Variants in PSD3 observed in about 807,000 individuals in gnomAD.
PSD3 encodes PH and SEC7 domain-containing protein 3.
In PSD3, 49 loss-of-function variants were observed where a neutral mutation model predicts 105.5. The observed-to-expected ratio is 0.46, with a 90% confidence interval of 0.37 to 0.59. The LOEUF (loss-of-function observed/expected upper bound fraction) is 0.59, where lower values mean the gene tolerates loss of function less well. Ranked by LOEUF, PSD3 falls within the 20% of genes least tolerant of loss-of-function variation. The pLI is 0.00. For missense variants in PSD3, 1,561 were observed against 1,263.8 expected (o/e 1.24, Z -3.57); for synonymous variants, 557 against 457.8 (o/e 1.22, Z -2.77).
intron 1 of PSD3, among the ~76,000 whole-genome samples, chr8:19,019,279 G>A (rs1463270458): frequency 6.6e-6 from 1 of 151,976 alleles, no homozygotes; most frequent in Non-Finnish European, 1.5e-5. Context: ...TATGAGTTTT[G>A]CCATTTCACA....
At chr8:18,975,655 A>C (rs1331878569) in intron 1 of PSD3, among the ~76,000 whole-genome samples, 2 of 152,234 alleles carry the variant, frequency 1.3e-5, no homozygotes, top group Non-Finnish European at 2.9e-5. Context: ...TTGCTCTAAT[A>C]CCATCAGTGT....
At chr8:19,037,692 G>A (rs1347689738) in intron 1 of PSD3, among the ~76,000 whole-genome samples, 1 of 152,108 alleles carries the variant, frequency 6.6e-6, no homozygotes, top group Non-Finnish European at 1.5e-5. Flanking sequence ...CTCTTCTGCT[G>A]CATTTGGACA....
chr8:18,851,491 G>T (rs1328285213), intron 4 of PSD3, among the ~76,000 whole-genome samples: 1 of 152,218 alleles, frequency 6.6e-6, no homozygotes, highest in Admixed American at 6.5e-5. Context: ...TTCCAGAGTG[G>T]ATTCAGACCA....
At chr8:18,537,053 A>C (rs1323493500) in intron 15 of PSD3, among the ~76,000 whole-genome samples, 3 of 152,126 alleles carry the variant, frequency 2.0e-5, no homozygotes, top group Non-Finnish European at 4.4e-5. Flanking sequence ...TTAAGTTAGT[A>C]ATTTAGAAGT....
At chr8:18,834,736 GA>G (rs1046628814) in intron 4 of PSD3, among the ~76,000 whole-genome samples, 1 of 152,030 alleles carries the variant, frequency 6.6e-6, no homozygotes, top group African/African-American at 2.4e-5. Flanking sequence ...AAGACGCCAT[GA>G]AAAAAAGGGA....
chr8:18,805,361 G>T (rs544712801), intron 4 of PSD3, among the ~76,000 whole-genome samples: 1 of 151,984 alleles, frequency 6.6e-6, no homozygotes, highest in African/African-American at 2.4e-5. Flanking sequence ...CAAGACAGTT[G>T]AATTCTAAGA....
intron 1 of PSD3, among the ~76,000 whole-genome samples, chr8:18,970,082 T>C (rs922030540): frequency 4.0e-5 from 6 of 151,550 alleles, no homozygotes; most frequent in Non-Finnish European, 5.9e-5. Context: ...TCCCAGCACT[T>C]TGGGAGGCCA....
chr8:18,662,787 A>AT (rs751626779), intron 9 of PSD3, among the ~76,000 whole-genome samples: 1 of 152,102 alleles, frequency 6.6e-6, no homozygotes, highest in African/African-American at 2.4e-5. Flanking sequence ...CTCACTAAAT[A>AT]TTTTTTGCCA....
intron 8 of PSD3, among the ~76,000 whole-genome samples, chr8:18,796,845 G>A (rs1032045525): frequency 2.6e-5 from 4 of 152,122 alleles, no homozygotes; most frequent in African/African-American, 9.7e-5. Context: ...TTCTGGCATC[G>A]GATCAAGTAA....
chr8:18,934,691 G>C (rs62495887), intron 2 of PSD3, among the ~76,000 whole-genome samples: 24,876 of 152,080 alleles, frequency 0.16, 2,157 homozygotes, highest in African/African-American at 0.2. Context: ...TTACAGATGA[G>C]AAAACTGAGC....
In PSD3 at chr8:18,698,602, GC is replaced by G. The variant is rs535587930; in HGVS notation, c.2173-42918del. 2.2e-4 allele frequency among the ~76,000 whole-genome samples: 33 copies of G among 152,262 alleles called. No homozygotes were observed. In the East Asian group the frequency reaches 6.4e-3, roughly 29 times the overall value. Reference sequence around the variant, plus strand: ...CCCTCGAGCCTCCAGAAGGAATACAGCCCTGCCAACCCATTTTGGACTTCTG... The same window carrying G: ...CCCTCGAGCCTCCAGAAGGAATACAGCCTGCCAACCCATTTTGGACTTCTG... On this transcript the variant is annotated intron_variant, in intron 9 of 15. Coordinates refer to ENST00000327040, the MANE Select transcript of PSD3 (RefSeq NM_015310.4).
At chr8:18,897,232 CTTT>C (rs1187309514) in intron 2 of PSD3, among the ~76,000 whole-genome samples, 4 of 152,118 alleles carry the variant, frequency 2.6e-5, no homozygotes, top group Non-Finnish European at 5.9e-5. Flanking sequence ...TATATGTCTT[CTTT>C]TGAGACGTGA....
chr8:18,827,633 AG>A (rs1211049724), intron 4 of PSD3, among the ~76,000 whole-genome samples: 1 of 152,172 alleles, frequency 6.6e-6, no homozygotes. Context: ...GTTTTTTAAG[AG>A]GGTGAGACTG....
At chr8:18,763,431 A>C (rs73666707) in intron 9 of PSD3, among the ~76,000 whole-genome samples, 3,796 of 152,260 alleles carry the variant, frequency 0.025, 169 homozygotes, top group African/African-American at 0.085. Flanking sequence ...AAAAGTTTCT[A>C]TGTATGTATG....
intron 11 of PSD3, 48 bp downstream of exon 11, chr8:18,632,565 A>C: frequency 6.5e-7 from 1 of 1,544,544 alleles, no homozygotes; most frequent in Non-Finnish European, 8.8e-7. Flanking sequence ...AATTTTGAGC[A>C]TAAAGATAAA....
intron 2 of PSD3, among the ~76,000 whole-genome samples, chr8:18,894,055 C>T (rs1202393367): frequency 6.6e-6 from 1 of 152,188 alleles, no homozygotes; most frequent in African/African-American, 2.4e-5. Flanking sequence ...ATATAAATTG[C>T]TTAAAACAGT....
intron 14 of PSD3, among the ~76,000 whole-genome samples, chr8:18,568,828 G>T (rs1397837846): frequency 2.0e-5 from 3 of 151,386 alleles, no homozygotes; most frequent in Non-Finnish European, 4.4e-5. Flanking sequence ...CTAGCATTAG[G>T]TATATCTCCC....
chr8:19,039,172 T>C (rs1828042470), intron 1 of PSD3, among the ~76,000 whole-genome samples: 2 of 152,222 alleles, frequency 1.3e-5, no homozygotes, highest in Non-Finnish European at 2.9e-5. Flanking sequence ...TCCTTTTTTC[T>C]CTGCAAACAT....
chr8:18,551,254 G>C (rs527824076), intron 15 of PSD3, among the ~76,000 whole-genome samples: 23 of 152,272 alleles, frequency 1.5e-4, no homozygotes, highest in African/African-American at 5.3e-4. Flanking sequence ...CAACCAGAAA[G>C]TGTTCTCCAA....
Sources: gnomAD v4.1 joint callset for allele counts (sites outside exome capture counted in the v4.1 genomes callset) on GRCh38, gnomAD v4.1.1 for gene constraint, MANE v1.5 for transcripts, NCBI Gene and HGNC (gene_info 2026-07-23, HGNC 2026-07-21) for gene names.